RASGEF1A: variants seen among roughly 807,000 people sequenced by gnomAD.
The protein encoded by RASGEF1A is ras-GEF domain-containing family member 1A.
RASGEF1A carries 18 observed loss-of-function variants against 56.4 expected under a neutral mutation model. The ratio of observed to expected loss-of-function variants is 0.32; its 90% confidence interval spans 0.22 to 0.47. The LOEUF (loss-of-function observed/expected upper bound fraction) is 0.47, where lower values mean the gene tolerates loss of function less well. RASGEF1A is among the 20% of genes least tolerant of loss of function. RASGEF1A has a pLI of 1.00. For synonymous variants in RASGEF1A, 245 were observed against 242.6 expected (o/e 1.01, Z -0.09); for missense variants, 422 against 627.1 (o/e 0.67, Z 3.49).
chr10:43,223,972 C>T (rs1322669936), intron 1 of RASGEF1A, among the ~76,000 whole-genome samples: 1 of 152,102 alleles, frequency 6.6e-6, no homozygotes, highest in Non-Finnish European at 1.5e-5. Context: ...CTACCTAAAT[C>T]TGTGGTAAAT....
At position 43,197,192 on chromosome 10, in the gene RASGEF1A, C is replaced by T. The variant is rs893557799; in HGVS notation, c.1225-93G>A. On this transcript the variant is annotated intron_variant, in intron 10 of 12. Coordinates refer to ENST00000395810, the MANE Select transcript of RASGEF1A (RefSeq NM_145313.4). ...GGACGTAGGTTTTGGCCTCAGCCTC[C>T]TGCTCACTTCACTGGTCCCAGCAAG... is the stretch of plus-strand genomic sequence containing the variant. 2.8e-6 allele frequency: 4 copies of T among 1,430,526 alleles called. No individual in the cohort carries two copies. The African/African-American group carries it at 4.2e-5, about 15-fold the overall frequency. The allele number at this position is 1,430,526 out of a possible 1,614,324, so 88.6% of individuals were successfully genotyped here. A position where few individuals can be genotyped will look rare whatever the true frequency, so the allele number is the denominator to read the frequency against.
intron 1 of RASGEF1A, among the ~76,000 whole-genome samples, chr10:43,262,640 G>T (rs1478149290): frequency 6.6e-6 from 1 of 152,238 alleles, no homozygotes; most frequent in African/African-American, 2.4e-5. Context: ...GTGCAGACTA[G>T]ACCCCAGGGG....
chr10:43,229,837 G>C, intron 1 of RASGEF1A: 1 of 937,540 alleles, frequency 1.1e-6, no homozygotes, highest in East Asian at 3.4e-5. Context: ...CGCGGGGTCC[G>C]GGCGGGGCAG....
At chr10:43,237,984 C>G (rs758933949) in intron 1 of RASGEF1A, among the ~76,000 whole-genome samples, 2 of 152,174 alleles carry the variant, frequency 1.3e-5, no homozygotes, top group Non-Finnish European at 2.9e-5. Context: ...GCCCACCTGC[C>G]CATCAGGGGA....
chr10:43,222,937 G>C (rs1330968442), intron 1 of RASGEF1A, among the ~76,000 whole-genome samples: 6 of 152,222 alleles, frequency 3.9e-5, no homozygotes, highest in Admixed American at 3.3e-4. Context: ...CTTAATGTTA[G>C]AGAATCTGGT....
intron 1 of RASGEF1A, among the ~76,000 whole-genome samples, chr10:43,246,096 A>C (rs1177804585): frequency 1.3e-5 from 2 of 152,226 alleles, no homozygotes; most frequent in African/African-American, 4.8e-5. Flanking sequence ...TCAATATATG[A>C]AAATCAATTG....
intron 1 of RASGEF1A, chr10:43,229,590 A>G: frequency 1.4e-6 from 2 of 1,452,906 alleles, no homozygotes; most frequent in Admixed American, 2.2e-5. Flanking sequence ...CCGACAGCGC[A>G]AGAACCCTGC....
intron 1 of RASGEF1A, among the ~76,000 whole-genome samples, chr10:43,244,543 T>G (rs1455783003): frequency 6.6e-6 from 1 of 151,114 alleles, no homozygotes; most frequent in Non-Finnish European, 1.5e-5. Context: ...ATAGACCTTA[T>G]GTTAGGCCAT....
intron 1 of RASGEF1A, among the ~76,000 whole-genome samples, chr10:43,229,229 G>GC (rs1840325264): frequency 6.6e-6 from 1 of 152,158 alleles, no homozygotes; most frequent in Non-Finnish European, 1.5e-5. Flanking sequence ...GAATAAGCGC[G>GC]CCCGCGCTTC....
chr10:43,252,199 C>T (rs1056036036), intron 1 of RASGEF1A, among the ~76,000 whole-genome samples: 1 of 152,224 alleles, frequency 6.6e-6, no homozygotes, highest in Non-Finnish European at 1.5e-5. Context: ...GTGCACGGTA[C>T]TGCCACCCAC....
chr10:43,200,944 C>A lies in RASGEF1A; in HGVS notation c.460-56G>T, dbSNP rs1839887424. 2.0e-6 allele frequency: 3 copies of A among 1,502,244 alleles called. No individual in the cohort carries two copies. The African/African-American group carries it at 4.1e-5, about 21-fold the overall frequency. The allele number at this position is 1,502,244 out of a possible 1,614,324, so 93.1% of individuals were successfully genotyped here. ...CATGGGCTGGCAGCAAGGCCACCAC[C>A]ACTGTGGGTAGGATCCATCTCACCT... On this transcript the variant is annotated intron_variant, in intron 4 of 12. Coordinates refer to ENST00000395810, the MANE Select transcript of RASGEF1A (RefSeq NM_145313.4).
intron 9 of RASGEF1A, 52 bp downstream of exon 9, chr10:43,198,881 T>C: frequency 3.2e-6 from 5 of 1,541,296 alleles, no homozygotes; most frequent in Non-Finnish European, 4.5e-6. Flanking sequence ...TTCGGGCCAT[T>C]GCGGGACGAA....
rs764016510 is a variant in RASGEF1A, at chr10:43,199,677, C to T, written c.848G>A (p.Arg283Gln). The stretch of plus-strand genomic sequence containing the variant: ...ACCATGTCTGCCATGGGCACTTACC[C>T]GGCACACCTCAGTGGCCACCAGCAT... ...LSMLVATEVCRVVKKKHRTRM... is the reference protein window; with the variant it reads ...LSMLVATEVCQVVKKKHRTRM... The change falls in exon 7 of 13, where the codon CGG becomes CAG. Residue 283 changes from arginine to glutamine, a missense_variant and splice_region_variant. Around this residue, in one of 2 missense-constraint regions of RASGEF1A, gnomAD observed 149 missense variants for 287.2 expected, o/e 0.52. Transcript: ENST00000395810. 4 of 1,612,892 alleles carry T rather than the reference C, an allele frequency of 2.5e-6. No individual in the cohort carries two copies. The highest frequency in any genetic ancestry group is 2.2e-5 in the East Asian group (1 of 44,866).
intron 1 of RASGEF1A, among the ~76,000 whole-genome samples, chr10:43,209,460 T>C (rs1003664206): frequency 3.3e-5 from 5 of 152,178 alleles, no homozygotes. Context: ...GAGCCTTAAC[T>C]TCTTTGTCTG....
At chr10:43,265,899 A>T (rs7900769) in intron 1 of RASGEF1A, among the ~76,000 whole-genome samples, 1 of 152,136 alleles carries the variant, frequency 6.6e-6, no homozygotes, top group African/African-American at 2.4e-5. Flanking sequence ...CCTGTGTTTC[A>T]GGATCCTGCG....
At chr10:43,235,914 T>C (rs527333639) in intron 1 of RASGEF1A, among the ~76,000 whole-genome samples, 17 of 151,820 alleles carry the variant, frequency 1.1e-4, no homozygotes, top group East Asian at 9.7e-4. Context: ...ATGAAGCAGA[T>C]GATGACCAAC....
chr10:43,229,880 G>GGGGCC (rs1275350764), intron 1 of RASGEF1A: 2 of 544,798 alleles, frequency 3.7e-6, no homozygotes, highest in Non-Finnish European at 5.6e-6. Flanking sequence ...AACGCGGGGC[G>GGGGCC]GGGCCGAGGC....
At chr10:43,229,619 G>A (rs1840333810) in intron 1 of RASGEF1A, 6 of 1,491,720 alleles carry the variant, frequency 4.0e-6, no homozygotes, top group Non-Finnish European at 5.3e-6. Flanking sequence ...CTTGCGCCTG[G>A]GCCCGCCGCA....
chr10:43,229,113 C>A (rs1437055509), intron 1 of RASGEF1A, among the ~76,000 whole-genome samples: 1 of 152,204 alleles, frequency 6.6e-6, no homozygotes, highest in Non-Finnish European at 1.5e-5. Context: ...CGCCCTGGAG[C>A]GCACACTCCT....
Sources: allele counts gnomAD v4.1 joint callset (sites outside exome capture counted in the v4.1 genomes callset), GRCh38; gene constraint gnomAD v4.1.1; regional missense constraint gnomAD v4.1.1; transcripts MANE v1.5; gene names NCBI Gene and HGNC (gene_info 2026-07-23, HGNC 2026-07-21).